The following KCND3 variants were observed in gnomAD, a reference collection of about 807,000 sequenced individuals.
KCND3 encodes the protein potassium voltage-gated channel subfamily D member 3, also known as A-type voltage-gated potassium channel KCND3.
KCND3 carries 9 observed loss-of-function variants against 51.1 expected under a neutral mutation model. That is an observed-to-expected ratio of 0.18 (90% CI 0.11 to 0.31). The LOEUF (loss-of-function observed/expected upper bound fraction) is 0.31, where lower values mean the gene tolerates loss of function less well. Ranked by LOEUF, KCND3 falls within the 10% of genes least tolerant of loss-of-function variation. The probability of loss-of-function intolerance (pLI) is 1.00; values close to 1 mark genes in which losing one functional copy is unlikely to be tolerated. For missense variants in KCND3, 526 were observed against 903.8 expected (o/e 0.58, Z 5.36); for synonymous variants, 349 against 368.0 (o/e 0.95, Z 0.59).
intron 2 of KCND3, among the ~76,000 whole-genome samples, chr1:111,804,964 T>A (rs1008424283): frequency 6.6e-6 from 1 of 152,108 alleles, no homozygotes; most frequent in African/African-American, 2.4e-5. Context: ...CACCTCCCTG[T>A]CCCATGCTCC....
chr1:111,776,867 T>C (rs969401702), intron 7 of KCND3, among the ~76,000 whole-genome samples, 159 bp downstream of exon 7: 5 of 152,140 alleles, frequency 3.3e-5, no homozygotes, highest in Non-Finnish European at 4.4e-5. Flanking sequence ...GAAGGGCCTT[T>C]GGGTTTCCTT....
chr1:111,975,035 A>C (rs976103980), intron 2 of KCND3, among the ~76,000 whole-genome samples: 1 of 152,290 alleles, frequency 6.6e-6, no homozygotes, highest in Non-Finnish European at 1.5e-5. Flanking sequence ...TGCAGCTATC[A>C]TAGCTGCTGA....
intron 2 of KCND3, among the ~76,000 whole-genome samples, chr1:111,863,974 G>A (rs1304526132): frequency 1.3e-5 from 2 of 152,038 alleles, no homozygotes; most frequent in African/African-American, 4.8e-5. Context: ...GGAGTGAGGT[G>A]GGAAGGAAAG....
chr1:111,900,666 T>C (rs1390908572), intron 2 of KCND3, among the ~76,000 whole-genome samples: 1 of 149,444 alleles, frequency 6.7e-6, no homozygotes, highest in Non-Finnish European at 1.5e-5. Flanking sequence ...AAAAAAAAAA[T>C]ACTGATTGAG....
At position 111,775,040 on chromosome 1, in the gene KCND3, T is replaced by G. The variant is rs867839879; in HGVS notation, c.*1037A>C. ...TTCATTCCCTTTCTTTCCCAGAAAC[T>G]GAAACTGCAAACACGAGTGGTTCCA... On this transcript the variant is annotated 3_prime_UTR_variant, in exon 8 of 8. Transcript: ENST00000302127. The G allele has an allele frequency of 2.0e-5, 3 of 152,224 alleles. No homozygotes were observed. Among genetic ancestry groups the G allele is most frequent in the South Asian group, 4.1e-4 (2 of 4,830 alleles). 9.4% of individuals were successfully genotyped at this position (152,224 alleles called of 1,614,324 possible). A position where few individuals can be genotyped will look rare whatever the true frequency, so the allele number is the denominator to read the frequency against.
At chr1:111,895,744 A>G (rs993853141) in intron 2 of KCND3, among the ~76,000 whole-genome samples, 2 of 152,198 alleles carry the variant, frequency 1.3e-5, no homozygotes, top group African/African-American at 4.8e-5. Flanking sequence ...CTGGATGCGG[A>G]ACAGGCCTCG....
chr1:111,793,013 G>A (rs77304673), intron 2 of KCND3, among the ~76,000 whole-genome samples: 2,003 of 151,196 alleles, frequency 0.013, 40 homozygotes, highest in African/African-American at 0.046. Flanking sequence ...AGGACTGCAC[G>A]TGGTTGCCAC....
rs197422 is a variant in KCND3 at position 111,774,890 on chromosome 1, C to A, written c.*1187G>T. The A allele has an allele frequency of 0.49, 74,893 of 151,970 alleles. 20,402 individuals are homozygous for A. Among genetic ancestry groups the A allele is most frequent in the African/African-American group, 0.75 (30,867 of 41,408 alleles). The allele number at this position is 151,970 out of a possible 1,614,324, so 9.4% of individuals were successfully genotyped here. A position where few individuals can be genotyped will look rare whatever the true frequency, so the allele number is the denominator to read the frequency against. Reference sequence around the variant, plus strand: ...AAGGAAGGGTCCATAGCAAGGTGCCCTAATGACCGGCTGAGGCTGCGAGCC... The same window carrying A: ...AAGGAAGGGTCCATAGCAAGGTGCCATAATGACCGGCTGAGGCTGCGAGCC... On this transcript the variant is annotated 3_prime_UTR_variant, in exon 8 of 8. Coordinates refer to ENST00000302127, the MANE Select transcript of KCND3 (RefSeq NM_001378969.1).
intron 2 of KCND3, among the ~76,000 whole-genome samples, chr1:111,969,074 C>CT (rs1674182022): frequency 6.6e-6 from 1 of 151,820 alleles, no homozygotes; most frequent in African/African-American, 2.4e-5. Context: ...CCATTTCCTT[C>CT]TTTTTTGTTT....
intron 2 of KCND3, among the ~76,000 whole-genome samples, chr1:111,971,851 T>C (rs1191992980): frequency 6.6e-6 from 1 of 152,234 alleles, no homozygotes; most frequent in Non-Finnish European, 1.5e-5. Context: ...TCCAGAGTTC[T>C]TTTGACTTCT....
At chr1:111,809,826 A>G (rs1056128693) in intron 2 of KCND3, among the ~76,000 whole-genome samples, 2 of 152,184 alleles carry the variant, frequency 1.3e-5, no homozygotes, top group African/African-American at 4.8e-5. Flanking sequence ...AGGGTCCCCA[A>G]CCTGCTCTGG....
intron 2 of KCND3, among the ~76,000 whole-genome samples, chr1:111,954,121 C>T (rs1373055466): frequency 6.6e-6 from 1 of 152,172 alleles, no homozygotes; most frequent in Non-Finnish European, 1.5e-5. Flanking sequence ...CATAGAGCTC[C>T]CTTCTCTTAG....
rs1021139141 is a variant in KCND3 at position 111,780,079 on chromosome 1, C to T, written c.1461+146G>A. ...TTGCCCCACTCCTCAGGGTCTTCCA[C>T]CTGAGGGCCAGTAGATCCCATCACT... is the stretch of plus-strand genomic sequence containing the variant. On this transcript the variant is annotated intron_variant, in intron 5 of 7. Coordinates refer to ENST00000302127, the MANE Select transcript of KCND3 (RefSeq NM_001378969.1). This position sits in a 1 kb window ranked among gnomAD's most constrained non-coding sequence, Gnocchi z 4.2. 6.4e-5 allele frequency: 59 copies of T among 920,152 alleles called. No individual in the cohort carries two copies. The highest frequency in any genetic ancestry group is 9.8e-5 in the Non-Finnish European group (57 of 578,848). The allele number at this position is 920,152 out of a possible 1,614,324, so 57.0% of individuals were successfully genotyped here.
At chr1:111,851,925 AACTTGGT>A (rs1449950826) in intron 2 of KCND3, among the ~76,000 whole-genome samples, 1 of 152,228 alleles carries the variant, frequency 6.6e-6, no homozygotes, top group Non-Finnish European at 1.5e-5. Flanking sequence ...GACAGCCAGC[AACTTGGT>A]TTGGCTCCCT....
At chr1:111,919,418 G>A (rs953561005) in intron 2 of KCND3, among the ~76,000 whole-genome samples, 6 of 151,896 alleles carry the variant, frequency 4.0e-5, no homozygotes, top group Non-Finnish European at 5.9e-5. Flanking sequence ...AATGATAAGA[G>A]CAAGCCCTAT....
At chr1:111,934,561 C>T (rs1354565137) in intron 2 of KCND3, among the ~76,000 whole-genome samples, 2 of 152,138 alleles carry the variant, frequency 1.3e-5, no homozygotes, top group East Asian at 1.9e-4. Context: ...CCGCCAGACT[C>T]GTGTATGTTC....
At chr1:111,809,350 C>T (rs1310913294) in intron 2 of KCND3, among the ~76,000 whole-genome samples, 2 of 151,588 alleles carry the variant, frequency 1.3e-5, no homozygotes, top group African/African-American at 4.9e-5. Flanking sequence ...GCTCTGTCCC[C>T]CAGGCTGGAG....
At chr1:111,941,870 C>T (rs942207178) in intron 2 of KCND3, among the ~76,000 whole-genome samples, 1 of 152,198 alleles carries the variant, frequency 6.6e-6, no homozygotes, top group African/African-American at 2.4e-5. Flanking sequence ...TAGGGCGGGG[C>T]GCAAGAGGCC....
chr1:111,810,024 T>C (rs899898192), intron 2 of KCND3, among the ~76,000 whole-genome samples: 4 of 152,212 alleles, frequency 2.6e-5, no homozygotes, highest in African/African-American at 9.7e-5. Flanking sequence ...TGGTCCAGCA[T>C]CACCCAATGT....
Sources: allele counts gnomAD v4.1 joint callset (sites outside exome capture counted in the v4.1 genomes callset), GRCh38; gene constraint gnomAD v4.1.1; non-coding constraint Gnocchi (gnomAD v3.1); transcripts MANE v1.5; gene names NCBI Gene and HGNC (gene_info 2026-07-23, HGNC 2026-07-21).